Variants in GK observed in about 807,000 individuals in gnomAD.
The protein encoded by GK is glycerol kinase, also known as ATP:glycerol 3-phosphotransferase.
In GK, 9 loss-of-function variants were observed where a neutral mutation model predicts 56.4. The observed-to-expected ratio is 0.16, with a 90% CI of 0.10 to 0.28. GK has a LOEUF of 0.28. GK is among the 10% of genes least tolerant of loss of function. The probability of loss-of-function intolerance (pLI) is 1.00; values close to 1 mark genes in which losing one functional copy is unlikely to be tolerated. For synonymous variants in GK, 104 were observed against 144.1 expected (o/e 0.72, Z 1.99); for missense variants, 161 against 431.4 (o/e 0.37, Z 5.55).
chrX:30,686,964 GT>G (rs1165299204), intron 4 of GK, among the ~76,000 whole-genome samples: 1 of 111,074 alleles, frequency 9.0e-6, no homozygotes, highest in East Asian at 2.8e-4. Flanking sequence ...TACTTTGGAA[GT>G]TAGCAATCCC....
chrX:30,697,296 A>G (rs1353247890), intron 8 of GK, among the ~76,000 whole-genome samples: 2 of 112,013 alleles, frequency 1.8e-5, no homozygotes, highest in Admixed American at 9.5e-5. Context: ...GAGGATTTGC[A>G]CTGGTGTTTG....
In GK at chrX:30,694,444, A is replaced by G. The variant is rs1935140526; in HGVS notation, c.459A>G (p.Lys153=). The change falls in exon 6 of 21, where the codon AAA becomes AAG. Residue 153 remains lysine, a synonymous_variant. Transcript: ENST00000427190. The part of the protein sequence containing the change: ...LPLSTYFSAV[K]LRWLLDNVRK... ...TTAGCACTTACTTCAGTGCAGTGAA[A>G]CTTCGTTGGCTCCTTGACAATGTGA... 1 of 1,199,498 alleles carries G rather than the reference A, an allele frequency of 8.3e-7. No individual in the cohort carries two copies. The highest frequency in any genetic ancestry group is 1.8e-5 in the African/African-American group (1 of 57,073).
chrX:30,728,800 G>T lies in GK; in HGVS notation c.*58G>T, dbSNP rs1242172132. On this transcript the variant is annotated 3_prime_UTR_variant, in exon 21 of 21. Transcript: ENST00000427190. The stretch of plus-strand genomic sequence containing the variant: ...GCTTTTTACATAATGAAAGAACCCA[G>T]CAATTCTGTCTCTTAATGCAATGAC... 6 of 884,847 alleles carry T rather than the reference G, an allele frequency of 6.8e-6. No individual in the cohort carries two copies. The Admixed American group carries it at 1.3e-4, about 20-fold the overall frequency. 72.9% of individuals were successfully genotyped at this position (884,847 alleles called of 1,213,427 possible). A position where few individuals can be genotyped will look rare whatever the true frequency, so the allele number is the denominator to read the frequency against.
At chrX:30,657,328 G>A (rs190531441) in intron 1 of GK, among the ~76,000 whole-genome samples, 93 of 112,250 alleles carry the variant, frequency 8.3e-4, no homozygotes, top group African/African-American at 2.9e-3. Context: ...TTGTACAAGC[G>A]GAAAATTTCC....
chrX:30,679,465 A>G (rs1395859137), intron 4 of GK, among the ~76,000 whole-genome samples: 6 of 111,180 alleles, frequency 5.4e-5, no homozygotes. Flanking sequence ...TGATCTGCCC[A>G]CCTTGGCACG....
chrX:30,691,097 G>A (rs369127500), intron 4 of GK, 26 bp from the exon 5 acceptor site: 1 of 866,281 alleles, frequency 1.2e-6, no homozygotes, highest in Non-Finnish European at 1.7e-6. Flanking sequence ...AGTTTTTCAT[G>A]TATATTATTT....
chrX:30,699,273 GTA>G (rs1491141385), intron 9 of GK, among the ~76,000 whole-genome samples: 25,262 of 89,417 alleles, frequency 0.28, 3,008 homozygotes, highest in East Asian at 0.43. Flanking sequence ...TGTATAACAT[GTA>G]TATATACAAC....
chrX:30,675,363 T>A (rs1254918198), intron 3 of GK, among the ~76,000 whole-genome samples: 9 of 106,438 alleles, frequency 8.5e-5, no homozygotes, highest in African/African-American at 2.7e-4. Context: ...ACCCGGCTAA[T>A]TTTTTTTGTA....
chrX:30,687,337 G>A (rs1190289261), intron 4 of GK, among the ~76,000 whole-genome samples: 12 of 111,439 alleles, frequency 1.1e-4, no homozygotes, highest in African/African-American at 3.6e-4. Flanking sequence ...TATTGAATCA[G>A]AGATTCATAC....
At chrX:30,724,538 G>T in intron 19 of GK, 1 of 247,155 alleles carries the variant, frequency 4.0e-6, no homozygotes, top group Non-Finnish European at 7.5e-6. Context: ...ACCTTTTTGG[G>T]GGGCTGTCTT....
intron 13 of GK, among the ~76,000 whole-genome samples, chrX:30,711,521 A>G (rs1180964717): frequency 9.0e-6 from 1 of 111,190 alleles, no homozygotes; most frequent in Non-Finnish European, 1.9e-5. Context: ...CTCCTCTACC[A>G]TTACCTCCAT....
At chrX:30,692,289 T>A (rs1464813619) in intron 5 of GK, among the ~76,000 whole-genome samples, 2 of 110,963 alleles carry the variant, frequency 1.8e-5, no homozygotes, top group Non-Finnish European at 3.8e-5. Flanking sequence ...CACCTCCAGC[T>A]GCACTCTGCT....
At chrX:30,654,077 C>T (rs1277106083) in intron 1 of GK, among the ~76,000 whole-genome samples, 1 of 112,196 alleles carries the variant, frequency 8.9e-6, no homozygotes, top group Non-Finnish European at 1.9e-5. Context: ...AGCAGTAGAA[C>T]GAATAAAGTA....
intron 9 of GK, among the ~76,000 whole-genome samples, chrX:30,699,215 ACATGT>A (rs1935437494): frequency 3.2e-5 from 3 of 94,733 alleles, no homozygotes; most frequent in Non-Finnish European, 6.1e-5. Flanking sequence ...TTATATATAT[ACATGT>A]TATATATACA....
chrX:30,718,482 A>G, intron 13 of GK, 56 bp from the exon 14 acceptor site: 1 of 816,186 alleles, frequency 1.2e-6, no homozygotes, highest in Non-Finnish European at 1.9e-6. Context: ...TATGCTCAAT[A>G]AAAACCTTGG....
intron 1 of GK, among the ~76,000 whole-genome samples, chrX:30,658,239 C>A (rs1461468211): frequency 8.9e-6 from 1 of 111,923 alleles, no homozygotes; most frequent in Non-Finnish European, 1.9e-5. Flanking sequence ...GACTAATGAA[C>A]AATAAATTTT....
At chrX:30,719,359 G>A in intron 14 of GK, 60 bp from the exon 15 acceptor site, 1 of 743,780 alleles carries the variant, frequency 1.3e-6, no homozygotes, top group Non-Finnish European at 2.1e-6. Context: ...AAATAGGTAT[G>A]CTTATATAAT....
chrX:30,657,008 G>A (rs978600652), intron 1 of GK, among the ~76,000 whole-genome samples: 2 of 111,240 alleles, frequency 1.8e-5, no homozygotes, highest in African/African-American at 3.3e-5. Flanking sequence ...GCGCCACCAC[G>A]CCCGGCTAAT....
intron 19 of GK, among the ~76,000 whole-genome samples, chrX:30,726,493 G>T (rs1449870005): frequency 9.0e-6 from 1 of 110,648 alleles, no homozygotes; most frequent in African/African-American, 3.3e-5. Flanking sequence ...CTCCGTGTTG[G>T]TCAGGCTGGT....
Sources: gnomAD v4.1 joint callset for allele counts (sites outside exome capture counted in the v4.1 genomes callset) on GRCh38, gnomAD v4.1.1 for gene constraint, MANE v1.5 for transcripts, NCBI Gene and HGNC (gene_info 2026-07-23, HGNC 2026-07-21) for gene names.